OTOF: variants seen among roughly 807,000 people sequenced by gnomAD.
OTOF encodes fer-1-like family member 2.
A neutral mutation model predicts 236.8 loss-of-function variants in OTOF; 218 were observed. The ratio of observed to expected loss-of-function variants is 0.92; its 90% confidence interval spans 0.82 to 1.03. The LOEUF is 1.03. Among genes scored for constraint, OTOF ranks in the 50% least tolerant of loss-of-function variants. The pLI is 0.00. For missense variants in OTOF, 2,590 were observed against 2,694.4 expected, an observed-to-expected ratio of 0.96 and a Z score of 0.86; for synonymous variants, 1,041 against 1,072.5, an observed-to-expected ratio of 0.97 and a Z score of 0.57.
intron 4 of OTOF, 107 bp from the exon 5 acceptor site, chr2:26,516,706 T>A: frequency 8.4e-7 from 1 of 1,184,532 alleles, no homozygotes; most frequent in Non-Finnish European, 1.2e-6. Context: ...CACCCTTGCC[T>A]CACTGGAGGA....
chr2:26,558,410 C>T, intron 1 of OTOF, 83 bp downstream of exon 1: 2 of 1,250,706 alleles, frequency 1.6e-6, no homozygotes, highest in Non-Finnish European at 2.4e-6. Flanking sequence ...CCTCCCAGCC[C>T]TGTCCTATCC....
rs543896830 is a variant in OTOF, at chr2:26,516,549, G to A, written c.378C>T (p.Gly126=). 6.2e-7 allele frequency: 1 copy of A among 1,612,146 alleles called. No individual in the cohort carries two copies. The highest frequency in any genetic ancestry group is 1.3e-5 in the African/African-American group (1 of 75,028). ...VRYQATDGTV[G]SWDDGDFLGD... ...CCAGGAAGTCCCCATCGTCCCAGGA[G>A]CCCACTGTGCCGTCAGTGGCCTGAT... Residue 126 remains glycine (G), a synonymous_variant, in exon 5 of 47, where the codon GGC becomes GGT. Transcript: ENST00000272371.
At chr2:26,546,561 T>C (rs1351277598) in intron 1 of OTOF, among the ~76,000 whole-genome samples, 2 of 152,210 alleles carry the variant, frequency 1.3e-5, no homozygotes, top group African/African-American at 4.8e-5. Flanking sequence ...TTTTCAAGGC[T>C]GCTTTAGCTA....
At chr2:26,544,184 C>G (rs1182965796) in intron 1 of OTOF, among the ~76,000 whole-genome samples, 3 of 152,152 alleles carry the variant, frequency 2.0e-5, no homozygotes, top group African/African-American at 4.8e-5. Context: ...ATGTGAGTCT[C>G]TCTTCTTTTT....
chr2:26,528,052 G>A, intron 2 of OTOF, 132 bp from the exon 3 acceptor site: 1 of 721,208 alleles, frequency 1.4e-6, no homozygotes, highest in South Asian at 1.5e-5. Context: ...GCTCCCCAGG[G>A]ACAAAGCATT....
chr2:26,558,596 C>G lies in OTOF; in HGVS notation c.-25G>C. The stretch of plus-strand genomic sequence containing the variant: ...TGCTGGTGTGGGCTGCCTGGCACTG[C>G]CAGGCAGGAGCAGCGGGAAGGAGCT... On this transcript the variant is annotated 5_prime_UTR_variant, in exon 1 of 47. Coordinates refer to ENST00000272371, the MANE Select transcript of OTOF (RefSeq NM_194248.3). 3.1e-6 allele frequency: 5 copies of G among 1,602,324 alleles called. No homozygotes were observed. The highest frequency in any genetic ancestry group is 4.3e-6 in the Non-Finnish European group (5 of 1,169,932).
chr2:26,489,257 C>G lies in OTOF; in HGVS notation c.999G>C (p.Leu333=). The G allele has an allele frequency of 1.2e-6, 2 of 1,613,184 alleles. No individual in the cohort carries two copies. The highest frequency in any genetic ancestry group is 8.5e-7 in the Non-Finnish European group (1 of 1,179,882). The change falls in exon 11 of 47, where the codon CTG becomes CTC. Residue 333 remains leucine, a synonymous_variant. Coordinates refer to ENST00000272371, the MANE Select transcript of OTOF (RefSeq NM_194248.3). The part of the protein sequence containing the change: ...HSKNLLRSGT[L]VGSFKMDVGT... ...CCACGTCCATTTTGAAGGAGCCCAC[C>G]AGGGTGCCACTGCGCAGCAGGTTCT...
chr2:26,524,684 G>C (rs1384252974), intron 3 of OTOF, among the ~76,000 whole-genome samples: 1 of 152,218 alleles, frequency 6.6e-6, no homozygotes, highest in Non-Finnish European at 1.5e-5. Flanking sequence ...CATTATAAAT[G>C]ATTTAACAAT....
At chr2:26,521,900 A>G (rs1666685134) in intron 3 of OTOF, among the ~76,000 whole-genome samples, 1 of 152,178 alleles carries the variant, frequency 6.6e-6, no homozygotes, top group African/African-American at 2.4e-5. Context: ...GCTCATGTGA[A>G]ATTCCTCTAC....
At chr2:26,538,520 A>T (rs1667132395) in intron 1 of OTOF, among the ~76,000 whole-genome samples, 1 of 152,246 alleles carries the variant, frequency 6.6e-6, no homozygotes, top group African/African-American at 2.4e-5. Context: ...TGTTGGGAGC[A>T]CAGAGGTAAA....
intron 24 of OTOF, 25 bp from the exon 25 acceptor site, chr2:26,475,518 G>A: frequency 6.2e-7 from 1 of 1,608,988 alleles, no homozygotes. Flanking sequence ...GGGGAGACAG[G>A]GGACAAGTGA....
At chr2:26,471,900 C>G (rs1204684724) in intron 30 of OTOF, among the ~76,000 whole-genome samples, 2 of 151,498 alleles carry the variant, frequency 1.3e-5, no homozygotes, top group South Asian at 4.2e-4. Flanking sequence ...CACATATATG[C>G]ATATATACCA....
intron 3 of OTOF, among the ~76,000 whole-genome samples, chr2:26,520,953 C>T (rs1666662466): frequency 6.6e-6 from 1 of 152,162 alleles, no homozygotes. Flanking sequence ...GAAAATGTGT[C>T]ACTGGTGGGA....
intron 8 of OTOF, among the ~76,000 whole-genome samples, chr2:26,498,347 C>T (rs765457323): frequency 1.3e-5 from 2 of 152,206 alleles, no homozygotes; most frequent in Admixed American, 1.3e-4. Flanking sequence ...CGAGAGGAAG[C>T]TGAGGGCGCT....
intron 1 of OTOF, 144 bp from the exon 2 acceptor site, chr2:26,537,918 A>T: frequency 1.4e-6 from 1 of 708,532 alleles, no homozygotes; most frequent in Non-Finnish European, 2.6e-6. Context: ...CACCTCTCCC[A>T]GGGTGAGGCC....
At position 26,476,290 on chromosome 2, in the gene OTOF, C is replaced by A. The variant is rs780851652; in HGVS notation, c.2704G>T (p.Ala902Ser). 5.0e-6 allele frequency: 8 copies of A among 1,603,852 alleles called. No homozygotes were observed. Among genetic ancestry groups the A allele is most frequent in the Non-Finnish European group, 6.8e-6 (8 of 1,179,722 alleles). ...ACCTTGGCCTGCACTGTCCAGCCTG[C>A]CGAGCCGAAGCCCCGCTTCCCTGGC... ...KLPGKRGFGSAGWTVQAKVEL... is the reference protein window; with the variant it reads ...KLPGKRGFGSSGWTVQAKVEL... Residue 902 changes from alanine (A) to serine (S), a missense_variant, in exon 23 of 47, where the codon GCA (alanine) becomes TCA (serine). Coordinates refer to ENST00000272371, the MANE Select transcript of OTOF (RefSeq NM_194248.3).
Position 26,527,835 on chromosome 2 carries a change from T to C in OTOF, c.224A>G (p.Asn75Ser), listed in dbSNP as rs775875524. ...TCCTGCCCCATCCCACACTTACTTG[T>C]TGCTGAAGACTTTGCTGTAGTTGAA... is the stretch of plus-strand genomic sequence containing the variant. The part of the protein sequence containing the change: ...QVFNYSKVFS[N>S]KLIGTFRMVL... Residue 75 changes from asparagine (N) to serine (S), a missense_variant, in exon 3 of 47, where the codon AAC becomes AGC. Asn to Ser is a conservative substitution (Grantham distance 46). This residue lies in a region of OTOF where 1,379 missense variants were observed against 1,341.6 expected (regional missense o/e 1.03). Transcript: ENST00000272371. 2.5e-6 allele frequency: 4 copies of C among 1,611,518 alleles called. No homozygotes were observed. Among genetic ancestry groups the C allele is most frequent in the Non-Finnish European group, 1.7e-6 (2 of 1,177,586 alleles).
Position 26,460,227 on chromosome 2 carries a change from G to A in OTOF, c.5814-22C>T. 1.3e-6 allele frequency: 2 copies of A among 1,584,530 alleles called. No individual in the cohort carries two copies. Among genetic ancestry groups the A allele is most frequent in the South Asian group, 2.3e-5 (2 of 87,454 alleles). ...CCGGCTGGAGTATGAAGGGTAGAGA[G>A]CGCAGAGGAGGGACAGGGAGGAGAA... On this transcript the variant is annotated intron_variant, in intron 45 of 46. Transcript: ENST00000272371. This position sits in a 1 kb window ranked among gnomAD's most constrained non-coding sequence, Gnocchi z 5.3.
intron 22 of OTOF, 107 bp downstream of exon 22, chr2:26,476,784 C>T (rs1244180180): frequency 2.1e-6 from 2 of 949,558 alleles, no homozygotes; most frequent in Non-Finnish European, 3.3e-6. Flanking sequence ...CTCTGAGCAC[C>T]TGCTGCTTGA....
Sources: allele counts gnomAD v4.1 joint callset (sites outside exome capture counted in the v4.1 genomes callset), GRCh38; gene constraint gnomAD v4.1.1; regional missense constraint gnomAD v4.1.1; non-coding constraint Gnocchi (gnomAD v3.1); transcripts MANE v1.5; gene names NCBI Gene and HGNC (gene_info 2026-07-23, HGNC 2026-07-21).